TTLL8: variants seen among roughly 807,000 people sequenced by gnomAD.
The protein encoded by TTLL8 is tubulin tyrosine ligase like 8.
TTLL8 carries 65 observed loss-of-function variants against 77.8 expected under a neutral mutation model. That is an observed-to-expected ratio of 0.84 (90% CI 0.68 to 1.03). The LOEUF (loss-of-function observed/expected upper bound fraction) is 1.03. TTLL8 is among the 50% of genes least tolerant of loss of function. The pLI, the probability that TTLL8 is intolerant of heterozygous loss-of-function variation, is 0.00. For missense variants in TTLL8, 910 were observed against 1,004.5 expected, an observed-to-expected ratio of 0.91 and a Z score of 1.27; for synonymous variants, 402 against 422.8, an observed-to-expected ratio of 0.95 and a Z score of 0.60.
rs748903298 is a variant in TTLL8 at position 50,047,311 on chromosome 22, G to C, written c.265-15C>G. 1 of 1,367,234 alleles carries C rather than the reference G, an allele frequency of 7.3e-7. No individual in the cohort carries two copies. Among genetic ancestry groups the C allele is most frequent in the East Asian group, 4.5e-5 (1 of 21,990 alleles). 84.7% of individuals were successfully genotyped at this position (1,367,234 alleles called of 1,614,324 possible). ...ACCAACCTAGACTGGCAAGAAAAAA[G>C]TCTTTATTGATGCCCAGCATTCAAG... On this transcript the variant is annotated splice_polypyrimidine_tract_variant and intron_variant, in intron 3 of 13. Transcript: ENST00000266182.
At chr22:50,024,160 G>A (rs1040229016) in intron 12 of TTLL8, among the ~76,000 whole-genome samples, 3 of 152,112 alleles carry the variant, frequency 2.0e-5, no homozygotes, top group Middle Eastern at 3.2e-3. Context: ...TTTTTGAGGT[G>A]GAGTCTCTCT....
rs1436918606 is a variant in TTLL8 at position 50,034,575 on chromosome 22, G to A, written c.922-113C>T. On this transcript the variant is annotated intron_variant, in intron 8 of 13. Coordinates refer to ENST00000266182, the Ensembl canonical transcript of TTLL8. This position sits in a 1 kb window ranked among gnomAD's most constrained non-coding sequence, Gnocchi z 4.1. The stretch of plus-strand genomic sequence containing the variant: ...GCCCCGCCTCACCCACCAAGCAGGC[G>A]CTCGGCTCTAGGATGGTCTGGGGCT... The A allele has an allele frequency of 1.4e-5, 16 of 1,155,166 alleles. No individual in the cohort carries two copies. The highest frequency in any genetic ancestry group is 1.1e-4 in the East Asian group (2 of 17,432). The allele number at this position is 1,155,166 out of a possible 1,614,324, so 71.6% of individuals were successfully genotyped here.
chr22:50,050,044 C>T (rs773309990), intron 2 of TTLL8, 65 bp downstream of exon 4: 82 of 1,331,794 alleles, frequency 6.2e-5, no homozygotes, highest in Non-Finnish European at 7.2e-5. Flanking sequence ...AGGCCGGCGC[C>T]GACTCCTCCT....
At chr22:50,025,079 A>C (rs774147176) in intron 12 of TTLL8, among the ~76,000 whole-genome samples, 16 of 152,218 alleles carry the variant, frequency 1.1e-4, no homozygotes, top group Non-Finnish European at 2.1e-4. Context: ...ATCATTGACC[A>C]AAATGTGAAA....
rs763006164 is a variant in TTLL8 at position 50,045,310 on chromosome 22, G to T, written c.588C>A (p.Ser196Arg). 20 of 1,364,104 alleles carry T rather than the reference G, an allele frequency of 1.5e-5. 1 individual carries two copies. In the South Asian group the frequency reaches 2.2e-4, roughly 15 times the overall value. 84.5% of individuals were successfully genotyped at this position (1,364,104 alleles called of 1,614,324 possible). A position where few individuals can be genotyped will look rare whatever the true frequency, so the allele number is the denominator to read the frequency against. ...CCTCCTCCCTCTGGTCCCTGGGCTT[G>T]CTTCTGCTGCTCCTGCTGCAGCTCT... Residue 196 changes from serine to arginine, a missense_variant, in exon 6 of 14, where the codon AGC (serine) becomes AGA (arginine). Coordinates refer to ENST00000266182, the Ensembl canonical transcript of TTLL8.
intron 1 of TTLL8, among the ~76,000 whole-genome samples, chr22:50,051,283 GAT>G (rs2061442512): frequency 6.6e-6 from 1 of 152,202 alleles, no homozygotes; most frequent in Non-Finnish European, 1.5e-5. Context: ...GAGAACAAGC[GAT>G]ATTTGGTTTT....
Position 50,044,244 on chromosome 22 carries a change from G to C in TTLL8, c.643+1011C>G, listed in dbSNP as rs2061394246. On this transcript the variant is annotated intron_variant, in intron 6 of 13. Transcript: ENST00000266182. This position sits in a 1 kb window ranked among gnomAD's most constrained non-coding sequence, Gnocchi z 4.2. ...GAGACAGGAGAATCGCTTGAACCCAGGAGGCGGAGGTTGCAGTGAGCCAAG... is the reference window on the plus strand; with the variant it reads ...GAGACAGGAGAATCGCTTGAACCCACGAGGCGGAGGTTGCAGTGAGCCAAG... Among the ~76,000 whole-genome samples the C allele has an allele frequency of 2.0e-5, 3 of 152,152 alleles. No individual in the cohort carries two copies. The South Asian group carries it at 6.2e-4, about 32-fold the overall frequency.
intron 3 of TTLL8, among the ~76,000 whole-genome samples, chr22:50,048,970 C>A (rs574312531): frequency 6.6e-6 from 1 of 152,346 alleles, no homozygotes; most frequent in South Asian, 2.1e-4. Flanking sequence ...CCCTCAGCTT[C>A]CACATGCGCA....
intron 12 of TTLL8, among the ~76,000 whole-genome samples, chr22:50,020,527 CTGA>C (rs569232727): frequency 3.4e-3 from 511 of 150,232 alleles, no homozygotes; most frequent in African/African-American, 0.012. Context: ...ACTCCTCCAT[CTGA>C]TGATGTGTAC....
intron 12 of TTLL8, 194 bp downstream of exon 13, chr22:50,030,236 C>G (rs2061276842): frequency 1.0e-6 from 1 of 985,362 alleles, no homozygotes; most frequent in Non-Finnish European, 1.2e-6. Flanking sequence ...CCGAGACCCC[C>G]GTGCCGGGCT....
At chr22:50,058,243 C>A (rs908675780), upstream of TTLL8, among the ~76,000 whole-genome samples, 1 of 150,998 alleles carries the variant, frequency 6.6e-6, no homozygotes, top group East Asian at 1.9e-4. This position sits in a 1 kb window ranked among gnomAD's most constrained non-coding sequence, Gnocchi z 4.2. Flanking sequence ...GCATTGTGCA[C>A]CCCCGGTGCG....
At chr22:50,057,153 G>GGTCAGGTCTGGGGATGGGA (rs144819376), upstream of TTLL8, among the ~76,000 whole-genome samples, 27,822 of 97,112 alleles carry the variant, frequency 0.29, 5,802 homozygotes, top group East Asian at 0.5. Context: ...TCTGAGTTGG[G>GGTCAGGTCTGGGGATGGGA]GTCAGGTCTG....
chr22:50,019,368 GC>G (rs757340949), intron 12 of TTLL8, among the ~76,000 whole-genome samples: 1 of 152,216 alleles, frequency 6.6e-6, no homozygotes, highest in Non-Finnish European at 1.5e-5. Flanking sequence ...CTCCAAGGCA[GC>G]CCCCAGTGAT....
chr22:50,035,299 C>G (rs991637866), intron 8 of TTLL8, among the ~76,000 whole-genome samples: 5 of 152,188 alleles, frequency 3.3e-5, no homozygotes, highest in Non-Finnish European at 7.3e-5. Context: ...CACAGCCGGC[C>G]TGGGCTGGGG....
intron 12 of TTLL8, 159 bp downstream of exon 13, chr22:50,030,271 C>G (rs949175505): frequency 2.0e-6 from 2 of 985,372 alleles, no homozygotes; most frequent in East Asian, 2.3e-4. Context: ...AACCCCGCTC[C>G]CCGGCTCCCG....
At chr22:50,040,624 T>C (rs1278727813) in intron 8 of TTLL8, among the ~76,000 whole-genome samples, 1 of 152,226 alleles carries the variant, frequency 6.6e-6, no homozygotes, top group African/African-American at 2.4e-5. Flanking sequence ...CTTCCACCTG[T>C]ACAAATATGA....
At chr22:50,057,462 G>T (rs1348280714), upstream of TTLL8, among the ~76,000 whole-genome samples, 72 of 107,462 alleles carry the variant, frequency 6.7e-4, no homozygotes, top group East Asian at 2.5e-3. Flanking sequence ...GTCTGGGTTG[G>T]GGGATCAGGT....
At chr22:50,033,748 C>T (rs2058459870) in intron 9 of TTLL8, among the ~76,000 whole-genome samples, 1 of 152,166 alleles carries the variant, frequency 6.6e-6, no homozygotes, top group South Asian at 2.1e-4. Flanking sequence ...AAAAGGGAGC[C>T]AGGAGGATGG....
exon 12 of TTLL8, chr22:50,030,879 G>C: frequency 4.5e-6 from 6 of 1,325,996 alleles, no homozygotes; most frequent in Non-Finnish European, 6.0e-6. Flanking sequence ...ACTGACGCCC[G>C]CCACGCAGAG....
Sources: allele counts gnomAD v4.1 joint callset (sites outside exome capture counted in the v4.1 genomes callset), GRCh38; gene constraint gnomAD v4.1.1; non-coding constraint Gnocchi (gnomAD v3.1); transcripts MANE v1.5; gene names NCBI Gene and HGNC (gene_info 2026-07-23, HGNC 2026-07-21).